The following UPF2 variants were observed in gnomAD, a reference collection of about 807,000 sequenced individuals.
UPF2 encodes the protein UPF2 regulator of nonsense mediated mRNA decay, also known as regulator of nonsense transcripts 2.
Under a neutral mutation model 141.4 loss-of-function variants are expected in UPF2, and 17 were observed. The observed-to-expected ratio is 0.12, with a 90% CI of 0.08 to 0.18. The LOEUF is 0.18. Ranked by LOEUF, UPF2 falls within the 10% of genes least tolerant of loss-of-function variation. The pLI is 1.00. For missense variants in UPF2, 1,152 were observed against 1,515.9 expected (o/e 0.76, Z 3.99); for synonymous variants, 540 against 498.0 (o/e 1.08, Z -1.12).
At chr10:11,925,080 A>T (rs931114730) in intron 21 of UPF2, among the ~76,000 whole-genome samples, 1 of 152,286 alleles carries the variant, frequency 6.6e-6, no homozygotes, top group Admixed American at 6.5e-5. Flanking sequence ...CGGCCCCCCA[A>T]AGTGCTGGGA....
chr10:12,032,587 A>T (rs1386430594), intron 2 of UPF2, among the ~76,000 whole-genome samples: 1 of 151,998 alleles, frequency 6.6e-6, no homozygotes, highest in Non-Finnish European at 1.5e-5. Context: ...AAAATACAAA[A>T]ATTAGCCAAG....
chr10:12,037,426 C>T (rs1396978922), intron 1 of UPF2, among the ~76,000 whole-genome samples: 121 of 128,886 alleles, frequency 9.4e-4, no homozygotes, highest in African/African-American at 3.6e-3. Context: ...TTTTGAGTCT[C>T]GCTCTGTTGC....
At position 11,998,979 on chromosome 10, in the gene UPF2, C is replaced by T. The variant is rs1010462065; in HGVS notation, c.1758+927G>A. Among the ~76,000 whole-genome samples the T allele has an allele frequency of 6.7e-6, 1 of 148,720 alleles. No homozygotes were observed. The highest frequency in any genetic ancestry group is 2.5e-5 in the African/African-American group (1 of 40,568). On this transcript the variant is annotated intron_variant, in intron 7 of 21. Transcript: ENST00000357604. The surrounding 1 kb of genome is among the most constrained non-coding windows in gnomAD (Gnocchi z 4.5). ...GACAAAGGTTGCAGTGAGCCAAGAC[C>T]GTGCCACTGCACTCCAGACCGGGCA... is the stretch of plus-strand genomic sequence containing the variant.
chr10:11,991,921 G>T (rs746898390), intron 8 of UPF2, among the ~76,000 whole-genome samples: 1 of 150,548 alleles, frequency 6.6e-6, no homozygotes, highest in Non-Finnish European at 1.5e-5. Flanking sequence ...TGAGGTGAGC[G>T]GATCACCTGA....
chr10:12,001,208 G>A (rs893500045), intron 6 of UPF2, among the ~76,000 whole-genome samples: 2 of 152,192 alleles, frequency 1.3e-5, no homozygotes, highest in African/African-American at 4.8e-5. Context: ...GAGGTCAGGA[G>A]TTCGAGACAA....
chr10:11,974,245 T>G (rs868264412), intron 9 of UPF2, among the ~76,000 whole-genome samples: 1 of 152,354 alleles, frequency 6.6e-6, no homozygotes, highest in South Asian at 2.1e-4. Context: ...GAGACTTTGC[T>G]GAAGTTGCTT....
intron 3 of UPF2, among the ~76,000 whole-genome samples, chr10:12,018,074 T>C (rs1834255232): frequency 6.6e-6 from 1 of 152,252 alleles, no homozygotes; most frequent in Non-Finnish European, 1.5e-5. Context: ...TTTACTGAAC[T>C]GACTAAATCC....
rs768171843 is a variant in UPF2 at position 11,956,428 on chromosome 10, A to G, written c.2466T>C (p.Asn822=). ...CMINIWNVKY[N]SIHCVANLLA... ...AGAGGTTGGCTACACAATGAATACT[A>G]TTATATTTCACATTCCAGATGTTTA... Residue 822 remains asparagine (N), a synonymous_variant, in exon 13 of 22, where the codon AAT becomes AAC. Transcript: ENST00000357604. The surrounding 1 kb of genome is among the most constrained non-coding windows in gnomAD (Gnocchi z 4.2). 16 of 1,614,036 alleles carry G rather than the reference A, an allele frequency of 9.9e-6. No individual in the cohort carries two copies. Among genetic ancestry groups the G allele is most frequent in the Admixed American group, 1.7e-5 (1 of 60,006 alleles).
intron 8 of UPF2, among the ~76,000 whole-genome samples, chr10:11,981,366 A>C (rs995724547): frequency 6.6e-6 from 1 of 152,164 alleles, no homozygotes; most frequent in Non-Finnish European, 1.5e-5. Flanking sequence ...GTTAAACCTA[A>C]TAACCACTTT....
chr10:11,924,673 T>C (rs1832689027), intron 21 of UPF2, among the ~76,000 whole-genome samples: 1 of 152,156 alleles, frequency 6.6e-6, no homozygotes, highest in African/African-American at 2.4e-5. Context: ...TCTGGCAGTC[T>C]CTGCCTCCTG....
chr10:12,007,834 G>GTAATAATAATAATAA (rs140872031), intron 4 of UPF2, among the ~76,000 whole-genome samples: 58 of 134,566 alleles, frequency 4.3e-4, no homozygotes, highest in South Asian at 4.8e-4. Context: ...CCGTCTCAAA[G>GTAATAATAATAATAA]TAATAATAAT....
intron 9 of UPF2, 72 bp from the exon 10 acceptor site, chr10:11,967,526 A>T: frequency 1.3e-6 from 1 of 758,686 alleles, no homozygotes; most frequent in Non-Finnish European, 2.0e-6. Context: ...TATTATTTTA[A>T]TGCATTCGAA....
chr10:12,026,681 G>A (rs1284782971), intron 3 of UPF2: 14 of 421,828 alleles, frequency 3.3e-5, no homozygotes, highest in Middle Eastern at 1.1e-3. Flanking sequence ...ACGAAGTCTC[G>A]CTCTTGTCCT....
At chr10:12,002,636 A>G (rs1451466882) in intron 5 of UPF2, among the ~76,000 whole-genome samples, 1 of 152,248 alleles carries the variant, frequency 6.6e-6, no homozygotes, top group Non-Finnish European at 1.5e-5. Context: ...TATCCTTATC[A>G]TTTCAATGTG....
chr10:11,992,963 A>G lies in UPF2; in HGVS notation c.1844+4709T>C, dbSNP rs1045214751. Among the ~76,000 whole-genome samples the G allele has an allele frequency of 1.3e-5, 2 of 152,156 alleles. No homozygotes were observed. Among genetic ancestry groups the G allele is most frequent in the Non-Finnish European group, 2.9e-5 (2 of 68,028 alleles). ...CAGGAGTTCAAGACCAGCCTGGTTA[A>G]TATGGTGAAACCCCGTTTCTACTAA... is the stretch of plus-strand genomic sequence containing the variant. On this transcript the variant is annotated intron_variant, in intron 8 of 21. Transcript: ENST00000357604. This position sits in a 1 kb window ranked among gnomAD's most constrained non-coding sequence, Gnocchi z 4.1.
chr10:11,956,572 C>T lies in UPF2; in HGVS notation c.2371-49G>A, dbSNP rs771192950. On this transcript the variant is annotated intron_variant, in intron 12 of 21. Transcript: ENST00000357604. The surrounding 1 kb of genome is among the most constrained non-coding windows in gnomAD (Gnocchi z 4.2). ...AATTATTAAGATAAGTACACAGTAGCCTGACCAAATAATACAGAAATTTTG... is the reference window on the plus strand; with the variant it reads ...AATTATTAAGATAAGTACACAGTAGTCTGACCAAATAATACAGAAATTTTG... 6 of 1,552,022 alleles carry T rather than the reference C, an allele frequency of 3.9e-6. No homozygotes were observed. The highest frequency in any genetic ancestry group is 5.3e-6 in the Non-Finnish European group (6 of 1,141,798).
At chr10:12,006,149 G>A (rs1021003688) in intron 4 of UPF2, among the ~76,000 whole-genome samples, 8 of 152,208 alleles carry the variant, frequency 5.3e-5, no homozygotes, top group Non-Finnish European at 1.2e-4. Context: ...CAAAGTGCTG[G>A]GATTACAGGC....
intron 8 of UPF2, among the ~76,000 whole-genome samples, chr10:11,995,129 AAAGG>A (rs1413635158): frequency 6.6e-6 from 1 of 152,174 alleles, no homozygotes; most frequent in East Asian, 1.9e-4. Flanking sequence ...ACAAGGGAAA[AAAGG>A]AAGGCTGTTC....
intron 1 of UPF2, among the ~76,000 whole-genome samples, chr10:12,039,622 CTTT>C (rs747946922): frequency 4.3e-5 from 6 of 140,784 alleles, no homozygotes; most frequent in South Asian, 2.2e-4. Context: ...CTCTCTCTCT[CTTT>C]TTTTTTTTTT....
Sources: allele counts gnomAD v4.1 joint callset (sites outside exome capture counted in the v4.1 genomes callset), GRCh38; gene constraint gnomAD v4.1.1; non-coding constraint Gnocchi (gnomAD v3.1); transcripts MANE v1.5; gene names NCBI Gene and HGNC (gene_info 2026-07-23, HGNC 2026-07-21).